Variants in EEA1 observed in about 807,000 individuals in gnomAD.
EEA1 encodes early endosome antigen 1.
EEA1 carries 111 observed loss-of-function variants against 209.2 expected under a neutral mutation model. The ratio of observed to expected loss-of-function variants is 0.53; its 90% CI spans 0.45 to 0.62. The LOEUF (loss-of-function observed/expected upper bound fraction) is 0.62, where lower values mean the gene tolerates loss of function less well. EEA1 is among the 20% of genes least tolerant of loss of function. The pLI is 0.00. For missense variants in EEA1, 1,343 were observed against 1,530.8 expected (o/e 0.88, Z 2.05); for synonymous variants, 536 against 540.6 (o/e 0.99, Z 0.12).
intron 3 of EEA1, among the ~76,000 whole-genome samples, chr12:92,863,465 T>C (rs567895900): frequency 1.3e-5 from 2 of 152,326 alleles, no homozygotes; most frequent in South Asian, 2.1e-4. Flanking sequence ...TGAAAGAGAA[T>C]TGAAGCCTTT....
intron 14 of EEA1, among the ~76,000 whole-genome samples, chr12:92,816,834 T>C (rs1036866425): frequency 6.6e-6 from 1 of 150,796 alleles, no homozygotes; most frequent in Admixed American, 6.6e-5. Context: ...GTTTTCTTTA[T>C]ATATTCTGGG....
chr12:92,855,430 T>TC (rs1383174258), intron 5 of EEA1, among the ~76,000 whole-genome samples: 1 of 75,486 alleles, frequency 1.3e-5, no homozygotes, highest in Admixed American at 1.4e-4. Context: ...AGACTCTGTC[T>TC]CAAAAAAAAA....
intron 22 of EEA1, among the ~76,000 whole-genome samples, chr12:92,785,021 C>G (rs1005355106): frequency 2.1e-5 from 1 of 48,744 alleles, no homozygotes; most frequent in Non-Finnish European, 4.2e-5. Context: ...TTTTCCCATA[C>G]TTTCTTAAAA....
intron 23 of EEA1, among the ~76,000 whole-genome samples, chr12:92,780,890 C>A (rs921552593): frequency 3.3e-5 from 5 of 152,120 alleles, no homozygotes; most frequent in Admixed American, 6.5e-5. Flanking sequence ...GCTCACACAA[C>A]TAAACTCCTA....
chr12:92,885,430 GAGAGAC>G (rs754071013), intron 2 of EEA1, among the ~76,000 whole-genome samples: 1 of 152,190 alleles, frequency 6.6e-6, no homozygotes, highest in Non-Finnish European at 1.5e-5. Context: ...ACAAACCTCA[GAGAGAC>G]AGAGACAGAG....
intron 3 of EEA1, among the ~76,000 whole-genome samples, chr12:92,860,430 G>A (rs1422547912): frequency 6.6e-6 from 1 of 152,190 alleles, no homozygotes; most frequent in Admixed American, 6.5e-5. Flanking sequence ...TTTTGGCGGG[G>A]AGGAGGAAAT....
chr12:92,903,854 C>T (rs865964686), intron 1 of EEA1, among the ~76,000 whole-genome samples: 24 of 152,156 alleles, frequency 1.6e-4, no homozygotes, highest in African/African-American at 5.3e-4. Flanking sequence ...ACTTTTCCCC[C>T]TCATATTACT....
intron 1 of EEA1, 90 bp downstream of exon 1, chr12:92,928,953 G>C: frequency 7.2e-7 from 1 of 1,397,176 alleles, no homozygotes; most frequent in Non-Finnish European, 9.7e-7. Flanking sequence ...GAAGGAAGGA[G>C]CCCGCGCTGA....
intron 3 of EEA1, among the ~76,000 whole-genome samples, chr12:92,864,607 C>T (rs1025713834): frequency 1.3e-5 from 2 of 152,068 alleles, no homozygotes; most frequent in African/African-American, 4.8e-5. Context: ...ATAATTTAAT[C>T]TTCTTTTGCT....
intron 2 of EEA1, among the ~76,000 whole-genome samples, chr12:92,888,286 A>G (rs1879495730): frequency 6.6e-6 from 1 of 152,226 alleles, no homozygotes; most frequent in Admixed American, 6.5e-5. Context: ...TGTTCTATAA[A>G]ACGAATAAAA....
chr12:92,798,254 A>G (rs540423455), intron 21 of EEA1, among the ~76,000 whole-genome samples: 1 of 152,210 alleles, frequency 6.6e-6, no homozygotes, highest in Non-Finnish European at 1.5e-5. Flanking sequence ...CTTAGCCCTT[A>G]ATAAGAATGA....
intron 24 of EEA1, among the ~76,000 whole-genome samples, chr12:92,779,885 A>G (rs1290376603): frequency 6.6e-6 from 1 of 152,170 alleles, no homozygotes; most frequent in African/African-American, 2.4e-5. Context: ...AATGTTAAAA[A>G]TAACAGATTA....
At chr12:92,879,374 A>G (rs1000399235) in intron 2 of EEA1, 2 of 451,896 alleles carry the variant, frequency 4.4e-6, no homozygotes, top group African/African-American at 4.0e-5. Flanking sequence ...CTGTATTAAA[A>G]TAGTAACAAC....
intron 1 of EEA1, among the ~76,000 whole-genome samples, chr12:92,900,026 T>C (rs975529129): frequency 1.3e-5 from 2 of 152,150 alleles, no homozygotes; most frequent in Admixed American, 1.3e-4. Flanking sequence ...AGTGACATGT[T>C]TGGGAGACTG....
At chr12:92,829,778 T>TAAAAAA (rs1270792347) in intron 11 of EEA1, among the ~76,000 whole-genome samples, 1 of 71,232 alleles carries the variant, frequency 1.4e-5, no homozygotes, top group Admixed American at 1.7e-4. Flanking sequence ...AACTCTGTCT[T>TAAAAAA]AAAAAAAAAA....
chr12:92,874,679 C>G lies in EEA1; in HGVS notation c.118-9692G>C, dbSNP rs190493333. The stretch of plus-strand genomic sequence containing the variant: ...CAGTGCCCAGCTGTTTTGTTATTGC[C>G]ACCATAGCTTTAGGCTGCCTTTCAC... On this transcript the variant is annotated intron_variant, in intron 2 of 28. Transcript: ENST00000322349. 1.7e-3 allele frequency among the ~76,000 whole-genome samples: 261 copies of G among 152,296 alleles called. 1 individual carries two copies. Among genetic ancestry groups the G allele is most frequent in the African/African-American group, 6.0e-3 (249 of 41,578 alleles).
intron 5 of EEA1, among the ~76,000 whole-genome samples, chr12:92,855,087 G>C (rs1356750528): frequency 6.6e-6 from 1 of 152,134 alleles, no homozygotes; most frequent in Non-Finnish European, 1.5e-5. Flanking sequence ...ATTTGCATTA[G>C]TTAAAACATG....
intron 10 of EEA1, among the ~76,000 whole-genome samples, chr12:92,839,909 A>C (rs912317184): frequency 6.6e-6 from 1 of 152,112 alleles, no homozygotes; most frequent in African/African-American, 2.4e-5. Flanking sequence ...TATATCATAT[A>C]GTTTTTGAGG....
In EEA1 at chr12:92,864,976, A is replaced by G; in HGVS notation, c.129T>C (p.Cys43=). ...ATCCAAGAGATTTCATACACTGGGG[A>G]CATATGAAACCCTATAGAAAGGGGC... ...NNESSSEGFI[C]PQCMKSLGSA... The change falls in exon 3 of 29, where the codon TGT becomes TGC. Residue 43 remains cysteine, a synonymous_variant. Transcript: ENST00000322349. 6.2e-7 allele frequency: 1 copy of G among 1,602,564 alleles called. No homozygotes were observed. The highest frequency in any genetic ancestry group is 8.5e-7 in the Non-Finnish European group (1 of 1,175,652).
Sources: gnomAD v4.1 joint callset for allele counts (sites outside exome capture counted in the v4.1 genomes callset) on GRCh38, gnomAD v4.1.1 for gene constraint, MANE v1.5 for transcripts, NCBI Gene and HGNC (gene_info 2026-07-23, HGNC 2026-07-21) for gene names.